Variants in SLC2A13 observed in about 807,000 individuals in gnomAD.
The protein encoded by SLC2A13 is proton myo-inositol cotransporter.
Under a neutral mutation model 64.4 loss-of-function variants are expected in SLC2A13, and 32 were observed. The ratio of observed to expected loss-of-function variants is 0.50; its 90% confidence interval spans 0.37 to 0.67. SLC2A13 has a LOEUF of 0.67. Ranked by LOEUF, SLC2A13 falls within the 30% of genes least tolerant of loss-of-function variation. The pLI is 0.00. For synonymous variants in SLC2A13, 338 were observed against 327.1 expected (o/e 1.03, Z -0.36); for missense variants, 743 against 829.2 (o/e 0.90, Z 1.28).
intron 7 of SLC2A13, among the ~76,000 whole-genome samples, chr12:39,779,518 C>G (rs1177123392): frequency 6.6e-6 from 1 of 152,090 alleles, no homozygotes; most frequent in Non-Finnish European, 1.5e-5. Context: ...GCACTTGGCA[C>G]AACATTTTAC....
At chr12:39,799,126 C>A (rs967680459) in intron 7 of SLC2A13, among the ~76,000 whole-genome samples, 1 of 146,652 alleles carries the variant, frequency 6.8e-6, no homozygotes, top group African/African-American at 2.5e-5. Context: ...GTCTCCCAGG[C>A]TGCTAGAGTG....
At chr12:39,830,005 TA>T in intron 7 of SLC2A13, 97 bp downstream of exon 7, 3 of 1,479,732 alleles carry the variant, frequency 2.0e-6, no homozygotes, top group Non-Finnish European at 2.8e-6. Flanking sequence ...AAGGCCAGTT[TA>T]AAAGAACTGC....
chr12:39,829,886 G>A (rs1352092430), intron 7 of SLC2A13: 4 of 570,738 alleles, frequency 7.0e-6, no homozygotes, highest in Non-Finnish European at 1.2e-5. Flanking sequence ...AGAGAAATCT[G>A]GGTCTCCAAA....
At chr12:40,052,540 G>C (rs1214138150) in intron 1 of SLC2A13, among the ~76,000 whole-genome samples, 2 of 152,090 alleles carry the variant, frequency 1.3e-5, no homozygotes, top group Non-Finnish European at 2.9e-5. Context: ...GTAACAAAGG[G>C]AGTAACCCTT....
chr12:39,833,867 C>T (rs1373846085), intron 6 of SLC2A13, among the ~76,000 whole-genome samples: 1 of 148,770 alleles, frequency 6.7e-6, no homozygotes, highest in African/African-American at 2.5e-5. Flanking sequence ...ATCTTTTCCA[C>T]ACTTTTGCCT....
At chr12:39,876,922 T>C (rs1944197095) in intron 4 of SLC2A13, among the ~76,000 whole-genome samples, 2 of 152,070 alleles carry the variant, frequency 1.3e-5, no homozygotes, top group African/African-American at 4.8e-5. Context: ...AAGTATGGAG[T>C]AGTTTATTGA....
chr12:39,907,891 T>C (rs1592273613), intron 4 of SLC2A13: 1 of 152,064 alleles, frequency 6.6e-6, no homozygotes, highest in South Asian at 2.1e-4. Flanking sequence ...TTAGAATCAA[T>C]GCTCCCAACC....
intron 1 of SLC2A13, among the ~76,000 whole-genome samples, chr12:40,086,591 T>C (rs1181738041): frequency 6.6e-6 from 1 of 152,206 alleles, no homozygotes; most frequent in African/African-American, 2.4e-5. Flanking sequence ...ATGCTTTTTC[T>C]TATTACACCA....
intron 5 of SLC2A13, among the ~76,000 whole-genome samples, chr12:39,870,003 C>T (rs774721805): frequency 3.7e-4 from 56 of 152,132 alleles, no homozygotes; most frequent in Non-Finnish European, 5.3e-4. Context: ...TGCCCAAAGT[C>T]ACACTATTCA....
At chr12:39,763,596 A>G (rs989147975) in intron 9 of SLC2A13, among the ~76,000 whole-genome samples, 3 of 152,052 alleles carry the variant, frequency 2.0e-5, no homozygotes, top group African/African-American at 7.2e-5. Flanking sequence ...AAGAGAAATG[A>G]TAAGTGGCCA....
At chr12:39,997,074 C>T (rs1009573295) in intron 3 of SLC2A13, among the ~76,000 whole-genome samples, 1 of 152,080 alleles carries the variant, frequency 6.6e-6, no homozygotes, top group Non-Finnish European at 1.5e-5. Flanking sequence ...GCCCACAGAG[C>T]CAAAGCAAGA....
At chr12:40,052,212 A>G (rs1216528894) in intron 1 of SLC2A13, among the ~76,000 whole-genome samples, 2 of 152,160 alleles carry the variant, frequency 1.3e-5, no homozygotes, top group East Asian at 1.9e-4. Flanking sequence ...TGTGAAATAT[A>G]GAAGTAGATA....
At chr12:39,799,789 T>C (rs911723991) in intron 7 of SLC2A13, among the ~76,000 whole-genome samples, 4 of 152,200 alleles carry the variant, frequency 2.6e-5, no homozygotes, top group African/African-American at 9.6e-5. Context: ...CACATTCACA[T>C]TACTAAAGCC....
At chr12:39,905,202 G>A (rs900188020) in intron 4 of SLC2A13, among the ~76,000 whole-genome samples, 1 of 152,038 alleles carries the variant, frequency 6.6e-6, no homozygotes, top group African/African-American at 2.4e-5. Flanking sequence ...TCTGAACACT[G>A]TACTAAAGAA....
chr12:39,827,225 C>G (rs1942720404), intron 7 of SLC2A13, among the ~76,000 whole-genome samples: 1 of 151,956 alleles, frequency 6.6e-6, no homozygotes, highest in African/African-American at 2.4e-5. Context: ...CTCATGGTTC[C>G]CACTTCACAA....
intron 4 of SLC2A13, among the ~76,000 whole-genome samples, chr12:39,889,413 A>T (rs1386766895): frequency 6.6e-6 from 1 of 152,130 alleles, no homozygotes; most frequent in African/African-American, 2.4e-5. Context: ...ATACTCTAAC[A>T]AATTACCCTA....
intron 3 of SLC2A13, among the ~76,000 whole-genome samples, chr12:39,965,988 C>T (rs889791511): frequency 6.6e-5 from 10 of 151,950 alleles, no homozygotes; most frequent in Non-Finnish European, 1.0e-4. Flanking sequence ...TAATACTACA[C>T]CTATGGGATG....
At chr12:40,094,761 CAG>C (rs1938881903) in intron 1 of SLC2A13, among the ~76,000 whole-genome samples, 2 of 152,164 alleles carry the variant, frequency 1.3e-5, no homozygotes, top group Admixed American at 1.3e-4. Flanking sequence ...GGGGCAGAAA[CAG>C]AAATTTTTAA....
At chr12:39,863,635 G>C (rs1289973155) in intron 6 of SLC2A13, among the ~76,000 whole-genome samples, 4 of 152,128 alleles carry the variant, frequency 2.6e-5, no homozygotes, top group Non-Finnish European at 5.9e-5. Flanking sequence ...AAGATGCTAT[G>C]GTTAACTTCT....
Sources: gnomAD v4.1 joint callset for allele counts (sites outside exome capture counted in the v4.1 genomes callset) on GRCh38, gnomAD v4.1.1 for gene constraint, MANE v1.5 for transcripts, NCBI Gene and HGNC (gene_info 2026-07-23, HGNC 2026-07-21) for gene names.